The following SH3D19 variants were observed in gnomAD, a reference collection of about 807,000 sequenced individuals.
SH3D19 encodes the protein SH3 domain containing 19, also known as SH3 domain-containing protein 19.
SH3D19 carries 58 observed loss-of-function variants against 112.1 expected under a neutral mutation model. The ratio of observed to expected loss-of-function variants is 0.52; its 90% confidence interval spans 0.42 to 0.64. The LOEUF (loss-of-function observed/expected upper bound fraction) is 0.64, where lower values mean the gene tolerates loss of function less well. Among genes scored for constraint, SH3D19 ranks in the 30% least tolerant of loss-of-function variants. The pLI is 0.00. For missense variants in SH3D19, 1,090 were observed against 1,263.4 expected, an observed-to-expected ratio of 0.86 and a Z score of 2.08; for synonymous variants, 391 against 448.5, an observed-to-expected ratio of 0.87 and a Z score of 1.62.
intron 16 of SH3D19, 96 bp downstream of exon 16, chr4:151,132,938 T>C: frequency 9.7e-7 from 1 of 1,032,010 alleles, no homozygotes; most frequent in Non-Finnish European, 1.4e-6. Context: ...CGTAAAAATA[T>C]GGCAATATGG....
intron 2 of SH3D19, among the ~76,000 whole-genome samples, chr4:151,208,870 G>T (rs925351961): frequency 2.7e-5 from 4 of 149,110 alleles, no homozygotes; most frequent in Admixed American, 6.8e-5. Flanking sequence ...GTAGAGACGG[G>T]GTTTCACCGT....
chr4:151,204,295 C>T (rs1764799846), intron 2 of SH3D19, among the ~76,000 whole-genome samples: 2 of 152,176 alleles, frequency 1.3e-5, no homozygotes, highest in Non-Finnish European at 2.9e-5. Flanking sequence ...ATTCACAGGA[C>T]TCACCACTTT....
Position 151,198,304 on chromosome 4 carries a change from CAAAAAA to C in SH3D19, c.153-10847_153-10842del, listed in dbSNP as rs1231227871. ...TGGGTGACACAGCGAGACTCTGTCT[CAAAAAA>C]AAAAAAAATATATATATAATATAAA... is the stretch of plus-strand genomic sequence containing the variant. On this transcript the variant is annotated intron_variant, in intron 2 of 19. Coordinates refer to ENST00000604030, the MANE Select transcript of SH3D19 (RefSeq NM_001378122.1). Among the ~76,000 whole-genome samples, 92 of 46,108 alleles carry C rather than the reference CAAAAAA, an allele frequency of 2.0e-3. 1 individual carries two copies. The East Asian group carries it at 0.028, about 14-fold the overall frequency. 30.2% of individuals were successfully genotyped at this position (46,108 alleles called of 152,430 possible). A position where few individuals can be genotyped will look rare whatever the true frequency, so the allele number is the denominator to read the frequency against.
At chr4:151,299,078 G>A (rs988585646) in intron 1 of SH3D19, among the ~76,000 whole-genome samples, 36 of 152,120 alleles carry the variant, frequency 2.4e-4, no homozygotes, top group Admixed American at 1.2e-3. Context: ...AATCTTGCTT[G>A]TTAAAATTAA....
At chr4:151,161,865 A>C (rs1290754148) in intron 8 of SH3D19, among the ~76,000 whole-genome samples, 1 of 150,878 alleles carries the variant, frequency 6.6e-6, no homozygotes, top group African/African-American at 2.4e-5. Flanking sequence ...CCTGGGTTCA[A>C]GTGATTTTCC....
intron 1 of SH3D19, among the ~76,000 whole-genome samples, chr4:151,237,100 A>T (rs920053078): frequency 1.3e-5 from 2 of 152,104 alleles, no homozygotes; most frequent in Non-Finnish European, 2.9e-5. Flanking sequence ...TATGAGCTGT[A>T]ACATGCACCG....
chr4:151,144,387 C>T, intron 11 of SH3D19: 2 of 1,024,286 alleles, frequency 2.0e-6, no homozygotes, highest in Non-Finnish European at 3.1e-6. Context: ...CTAAAGTGCA[C>T]CTTCTCCAGC....
At chr4:151,293,917 G>A (rs1004844236) in intron 1 of SH3D19, among the ~76,000 whole-genome samples, 25 of 152,094 alleles carry the variant, frequency 1.6e-4, no homozygotes, top group African/African-American at 6.0e-4. Flanking sequence ...CCTCTCCCCT[G>A]CTGCCCTTGT....
chr4:151,215,250 C>G (rs747622569), intron 2 of SH3D19, among the ~76,000 whole-genome samples: 1 of 152,224 alleles, frequency 6.6e-6, no homozygotes, highest in Non-Finnish European at 1.5e-5. Context: ...GACCGTACTT[C>G]AGTTTATAAG....
intron 1 of SH3D19, among the ~76,000 whole-genome samples, chr4:151,315,639 CCAAA>C (rs1171174267): frequency 6.6e-6 from 1 of 152,042 alleles, no homozygotes; most frequent in Non-Finnish European, 1.5e-5. Flanking sequence ...TTTGGAGAGA[CCAAA>C]CAAACTAAGG....
At chr4:151,281,186 C>T (rs1180339886) in intron 1 of SH3D19, among the ~76,000 whole-genome samples, 2 of 152,264 alleles carry the variant, frequency 1.3e-5, no homozygotes, top group Admixed American at 6.5e-5. Context: ...TGATAGAATG[C>T]CTGACAAGTT....
chr4:151,206,243 G>C (rs1018577470), intron 2 of SH3D19, among the ~76,000 whole-genome samples: 3 of 152,176 alleles, frequency 2.0e-5, no homozygotes, highest in Non-Finnish European at 4.4e-5. Context: ...ACAAATAAAT[G>C]ATAGGATATT....
At chr4:151,254,079 G>A (rs945373541) in intron 1 of SH3D19, among the ~76,000 whole-genome samples, 1 of 152,146 alleles carries the variant, frequency 6.6e-6, no homozygotes, top group African/African-American at 2.4e-5. Flanking sequence ...ACCTCCAAGG[G>A]CCTCAGTTTC....
chr4:151,219,787 A>G (rs1767732885), intron 2 of SH3D19, among the ~76,000 whole-genome samples: 1 of 152,144 alleles, frequency 6.6e-6, no homozygotes, highest in African/African-American at 2.4e-5. Context: ...CGATGTATTC[A>G]TGTACATAAA....
At chr4:151,133,904 G>T (rs1205513424) in intron 15 of SH3D19, among the ~76,000 whole-genome samples, 1 of 152,148 alleles carries the variant, frequency 6.6e-6, no homozygotes, top group Non-Finnish European at 1.5e-5. Flanking sequence ...GATAAAAGCA[G>T]AGATAAAATT....
intron 1 of SH3D19, among the ~76,000 whole-genome samples, chr4:151,233,461 A>G (rs1182255076): frequency 1.3e-5 from 2 of 152,066 alleles, no homozygotes; most frequent in African/African-American, 4.8e-5. Context: ...TGCCTTTCGC[A>G]GCTTCCTGAG....
chr4:151,226,501 A>G (rs1231240805), intron 1 of SH3D19: 2 of 985,824 alleles, frequency 2.0e-6, no homozygotes, highest in East Asian at 2.2e-4. Context: ...GGGGAGGGGG[A>G]AAAATGAGCA....
At chr4:151,230,187 C>T (rs995413747) in intron 1 of SH3D19, among the ~76,000 whole-genome samples, 11 of 152,180 alleles carry the variant, frequency 7.2e-5, no homozygotes, top group South Asian at 2.1e-4. Context: ...TTAGGTGTTA[C>T]GCCACTTACG....
intron 1 of SH3D19, among the ~76,000 whole-genome samples, chr4:151,270,424 T>C (rs1773152204): frequency 6.6e-6 from 1 of 152,204 alleles, no homozygotes; most frequent in South Asian, 2.1e-4. Context: ...TCTTCCATGA[T>C]TGGAAGCTTC....
Sources: allele counts gnomAD v4.1 joint callset (sites outside exome capture counted in the v4.1 genomes callset), GRCh38; gene constraint gnomAD v4.1.1; transcripts MANE v1.5; gene names NCBI Gene and HGNC (gene_info 2026-07-23, HGNC 2026-07-21).